GPHN: variants seen among roughly 807,000 people sequenced by gnomAD.
The protein encoded by GPHN is gephyrin.
GPHN carries 17 observed loss-of-function variants against 95.5 expected under a neutral mutation model. That is an observed-to-expected ratio of 0.18 (90% CI 0.12 to 0.27). The LOEUF (loss-of-function observed/expected upper bound fraction) is 0.27, where lower values mean the gene tolerates loss of function less well. GPHN is among the 10% of genes least tolerant of loss of function. The probability of loss-of-function intolerance (pLI) is 1.00; values close to 1 mark genes in which losing one functional copy is unlikely to be tolerated. For synonymous variants in GPHN, 320 were observed against 322.5 expected, an observed-to-expected ratio of 0.99 and a Z score of 0.08; for missense variants, 660 against 978.1, an observed-to-expected ratio of 0.67 and a Z score of 4.34.
chr14:66,622,480 T>A (rs2063349749), intron 1 of GPHN, among the ~76,000 whole-genome samples: 1 of 152,230 alleles, frequency 6.6e-6, no homozygotes, highest in Admixed American at 6.5e-5. Flanking sequence ...TGCATCCGGC[T>A]TGAATTTCTC....
chr14:66,961,336 T>C (rs2068884519), intron 8 of GPHN, among the ~76,000 whole-genome samples: 2 of 152,004 alleles, frequency 1.3e-5, no homozygotes, highest in South Asian at 4.1e-4. Flanking sequence ...TACTCTGCTG[T>C]TTTCACTGAT....
intron 9 of GPHN, among the ~76,000 whole-genome samples, chr14:67,022,072 G>A (rs934552097): frequency 6.6e-6 from 1 of 151,582 alleles, no homozygotes; most frequent in Non-Finnish European, 1.5e-5. Flanking sequence ...TCTTTATTAA[G>A]CTTGTCTATT....
At chr14:66,721,421 A>G (rs1053987815) in intron 2 of GPHN, among the ~76,000 whole-genome samples, 6 of 152,236 alleles carry the variant, frequency 3.9e-5, no homozygotes, top group African/African-American at 1.4e-4. Flanking sequence ...ACAAATTTCT[A>G]TCAACTTTAT....
At chr14:66,741,515 G>A (rs1360521017) in intron 2 of GPHN, among the ~76,000 whole-genome samples, 1 of 152,138 alleles carries the variant, frequency 6.6e-6, no homozygotes, top group Non-Finnish European at 1.5e-5. Context: ...TGGGGGAAAT[G>A]TGGAGAGTAA....
At chr14:66,816,683 T>C (rs969719578) in intron 3 of GPHN, among the ~76,000 whole-genome samples, 2 of 152,118 alleles carry the variant, frequency 1.3e-5, no homozygotes, top group Admixed American at 1.3e-4. Context: ...TAGCACTAAA[T>C]GCCATCAAAA....
chr14:66,898,218 A>G (rs550315471), intron 5 of GPHN, among the ~76,000 whole-genome samples: 146 of 151,932 alleles, frequency 9.6e-4, no homozygotes, highest in Middle Eastern at 3.4e-3. Flanking sequence ...ATGAGGTCCA[A>G]TTTATCATCT....
chr14:66,966,423 T>TA (rs1203910181), intron 9 of GPHN, among the ~76,000 whole-genome samples: 1 of 152,048 alleles, frequency 6.6e-6, no homozygotes, highest in African/African-American at 2.4e-5. Flanking sequence ...TTTTATCATT[T>TA]AAAAAACTGA....
intron 11 of GPHN, among the ~76,000 whole-genome samples, chr14:67,082,854 G>A (rs1371289229): frequency 1.3e-5 from 2 of 152,066 alleles, no homozygotes; most frequent in Admixed American, 1.3e-4. Flanking sequence ...TTGTATAGAT[G>A]TACCACAGAT....
At chr14:66,596,718 G>A (rs781724420) in intron 1 of GPHN, among the ~76,000 whole-genome samples, 3 of 152,214 alleles carry the variant, frequency 2.0e-5, no homozygotes, top group Non-Finnish European at 2.9e-5. Flanking sequence ...TTGTGGGTCA[G>A]CAGGGCTTCC....
chr14:66,524,765 G>A (rs557276679), intron 1 of GPHN, among the ~76,000 whole-genome samples: 18 of 152,096 alleles, frequency 1.2e-4, no homozygotes, highest in African/African-American at 3.1e-4. Context: ...TTCTGTTCTC[G>A]TGTTAGTTTG....
chr14:67,561,932 C>T, the GPHN span: 12 of 1,562,262 alleles, frequency 7.7e-6, no homozygotes, highest in Non-Finnish European at 9.7e-6. Flanking sequence ...TGTCCTAAAT[C>T]TTCATTTTTC....
chr14:67,719,680 G>C, the GPHN span, among the ~76,000 whole-genome samples: 1 of 151,976 alleles, frequency 6.6e-6, no homozygotes, highest in African/African-American at 2.4e-5. Context: ...GTCTCACTAT[G>C]TTGCCCAGGT....
At chr14:66,756,478 A>G (rs972286902) in intron 2 of GPHN, among the ~76,000 whole-genome samples, 1 of 152,080 alleles carries the variant, frequency 6.6e-6, no homozygotes, top group African/African-American at 2.4e-5. Flanking sequence ...CATCCTCTGC[A>G]TTTTGTATCC....
chr14:67,627,201 G>A, the GPHN span, among the ~76,000 whole-genome samples: 49 of 149,112 alleles, frequency 3.3e-4, no homozygotes, highest in Admixed American at 2.1e-3. Flanking sequence ...GAATTTTATG[G>A]TATGTGAATT....
the GPHN span, chr14:67,503,695 A>C: frequency 7.1e-6 from 1 of 140,482 alleles, no homozygotes; most frequent in East Asian, 2.0e-4. Context: ...TTTTTAAATT[A>C]TTTTTATTTT....
chr14:66,665,612 G>A (rs1436791170), intron 1 of GPHN, among the ~76,000 whole-genome samples: 2 of 152,304 alleles, frequency 1.3e-5, no homozygotes, highest in Non-Finnish European at 2.9e-5. Context: ...AAGTGCTGGA[G>A]GGGATGTGGA....
chr14:67,205,063 T>C, the GPHN span: 2 of 1,551,178 alleles, frequency 1.3e-6, no homozygotes, highest in Non-Finnish European at 1.7e-6. Context: ...AAACAATGAC[T>C]TAATCAGGGC....
At chr14:67,089,125 C>CTTTTTTTGTTTT in intron 12 of GPHN, 50 bp downstream of exon 12, 1 of 326,496 alleles carries the variant, frequency 3.1e-6, no homozygotes, top group Non-Finnish European at 6.0e-6. Context: ...ATTTTTTTTT[C>CTTTTTTTGTTTT]TTTTTTTCTT....
intron 18 of GPHN, among the ~76,000 whole-genome samples, chr14:67,151,198 C>A (rs1461323653): frequency 6.6e-6 from 1 of 152,138 alleles, no homozygotes; most frequent in Non-Finnish European, 1.5e-5. Flanking sequence ...AGATAAGAAA[C>A]ACAATAGCTT....
Sources: allele counts gnomAD v4.1 joint callset (sites outside exome capture counted in the v4.1 genomes callset), GRCh38; gene constraint gnomAD v4.1.1; transcripts MANE v1.5; gene names NCBI Gene and HGNC (gene_info 2026-07-23, HGNC 2026-07-21).